The following SMC3 variants were observed in gnomAD, a reference collection of about 807,000 sequenced individuals.
SMC3 encodes the protein structural maintenance of chromosomes protein 3.
Under a neutral mutation model 171.8 loss-of-function variants are expected in SMC3, and 20 were observed. The observed-to-expected ratio is 0.12, with a 90% confidence interval of 0.08 to 0.17. The LOEUF (loss-of-function observed/expected upper bound fraction) is 0.17, where lower values mean the gene tolerates loss of function less well. Among genes scored for constraint, SMC3 ranks in the 10% least tolerant of loss-of-function variants. The pLI is 1.00. For synonymous variants in SMC3, 464 were observed against 451.1 expected (o/e 1.03, Z -0.36); for missense variants, 543 against 1,420.4 (o/e 0.38, Z 9.93).
chr10:110,595,227 G>A (rs928144621), intron 18 of SMC3, among the ~76,000 whole-genome samples: 2 of 151,744 alleles, frequency 1.3e-5, no homozygotes, highest in Admixed American at 6.6e-5. Context: ...TGATCTGCCT[G>A]CCTCAACCTC....
intron 2 of SMC3, among the ~76,000 whole-genome samples, chr10:110,569,294 G>A (rs1434985180): frequency 2.0e-5 from 3 of 152,108 alleles, no homozygotes; most frequent in East Asian, 3.8e-4. Flanking sequence ...TTCTGTTCTT[G>A]TTATATATCC....
At chr10:110,587,801 T>C (rs1861146434) in intron 13 of SMC3, among the ~76,000 whole-genome samples, 1 of 152,212 alleles carries the variant, frequency 6.6e-6, no homozygotes, top group African/African-American at 2.4e-5. Flanking sequence ...AAACTGACTC[T>C]TCAAGGTTTA....
chr10:110,604,348 G>C lies in SMC3; in HGVS notation c.*46G>C. 7.5e-7 allele frequency: 1 copy of C among 1,326,914 alleles called. No homozygotes were observed. The highest frequency in any genetic ancestry group is 1.1e-6 in the Non-Finnish European group (1 of 920,602). 82.2% of individuals were successfully genotyped at this position (1,326,914 alleles called of 1,614,324 possible). A position where few individuals can be genotyped will look rare whatever the true frequency, so the allele number is the denominator to read the frequency against. ...GTTTGGGAGATGTATATAGTAATAT[G>C]ATTCTCATACCCAGGAACTGTAAAT... On this transcript the variant is annotated 3_prime_UTR_variant, in exon 29 of 29. Coordinates refer to ENST00000361804, the MANE Select transcript of SMC3 (RefSeq NM_005445.4).
At chr10:110,584,821 T>TGCC (rs1380706181) in intron 13 of SMC3, among the ~76,000 whole-genome samples, 1 of 152,120 alleles carries the variant, frequency 6.6e-6, no homozygotes, top group Non-Finnish European at 1.5e-5. Context: ...GACGAGGTCT[T>TGCC]GCCATGTAGC....
At chr10:110,569,606 C>T (rs1249834758) in intron 2 of SMC3, among the ~76,000 whole-genome samples, 3 of 151,982 alleles carry the variant, frequency 2.0e-5, no homozygotes, top group African/African-American at 2.4e-5. Flanking sequence ...ATGTTGTGCA[C>T]ATGTATCCTA....
chr10:110,585,372 C>T (rs1861095639), intron 13 of SMC3, among the ~76,000 whole-genome samples: 1 of 150,940 alleles, frequency 6.6e-6, no homozygotes, highest in African/African-American at 2.4e-5. Flanking sequence ...TCACTGCAAC[C>T]TCCACCTCCT....
At chr10:110,577,589 T>C (rs554699066) in intron 5 of SMC3, 97 bp downstream of exon 5, 32 of 871,698 alleles carry the variant, frequency 3.7e-5, no homozygotes, top group Middle Eastern at 3.3e-4. Flanking sequence ...TAATTTGTTA[T>C]AATTACAGTT....
At chr10:110,579,363 A>G (rs1860998570) in intron 7 of SMC3, among the ~76,000 whole-genome samples, 1 of 152,188 alleles carries the variant, frequency 6.6e-6, no homozygotes, top group Non-Finnish European at 1.5e-5. Context: ...TACTGGAAGA[A>G]CACGTTTTTT....
At chr10:110,584,064 TTCTTTTTGTA>T in intron 12 of SMC3, 102 bp downstream of exon 12, 1 of 1,533,522 alleles carries the variant, frequency 6.5e-7, no homozygotes, top group Non-Finnish European at 9.0e-7. Flanking sequence ...TTACACTTAA[TTCTTTTTGTA>T]TCTTTTTGAA....
At position 110,584,407 on chromosome 10, in the gene SMC3, C is replaced by A; in HGVS notation, c.1305+11C>A. 6.4e-7 allele frequency: 1 copy of A among 1,567,952 alleles called. No homozygotes were observed. Among genetic ancestry groups the A allele is most frequent in the Non-Finnish European group, 8.8e-7 (1 of 1,140,476 alleles). ...CTGGAGCAGTATAATGTAAGAACTTCTATAGCTGCTTTGTAAAAATCTTTC... is the reference window on the plus strand; with the variant it reads ...CTGGAGCAGTATAATGTAAGAACTTATATAGCTGCTTTGTAAAAATCTTTC... On this transcript the variant is annotated intron_variant, in intron 13 of 28. Coordinates refer to ENST00000361804, the MANE Select transcript of SMC3 (RefSeq NM_005445.4).
chr10:110,569,091 TAAG>T (rs1391085634), intron 2 of SMC3, 78 bp downstream of exon 2: 18 of 916,164 alleles, frequency 2.0e-5, no homozygotes, highest in African/African-American at 1.6e-4. Flanking sequence ...TATATTGGCT[TAAG>T]GAGACAGGAA....
intron 20 of SMC3, among the ~76,000 whole-genome samples, chr10:110,598,926 C>T (rs1342890253): frequency 2.0e-5 from 3 of 151,742 alleles, no homozygotes; most frequent in Non-Finnish European, 4.4e-5. Context: ...CCGTTTTGTC[C>T]AGATTGTATT....
chr10:110,602,389 A>C (rs1047669461), intron 25 of SMC3, 85 bp from the exon 26 acceptor site: 8 of 1,174,164 alleles, frequency 6.8e-6, no homozygotes, highest in Non-Finnish European at 9.9e-6. Context: ...AGATTAAAAA[A>C]TAATTGGTTG....
rs1395433925 is a variant in SMC3, at chr10:110,578,715, A to G, written c.429+9A>G. The G allele has an allele frequency of 1.1e-5, 18 of 1,575,938 alleles. No individual in the cohort carries two copies. Among genetic ancestry groups the G allele is most frequent in the East Asian group, 4.5e-5 (2 of 44,586 alleles). On this transcript the variant is annotated intron_variant, in intron 7 of 28. Transcript: ENST00000361804. ...TTGTTAAACAAGGAAAGGTAAAACA[A>G]TTGTATGTCCTTTTTAAGTAGAATT... is the stretch of plus-strand genomic sequence containing the variant.
chr10:110,600,420 A>G lies in SMC3; in HGVS notation c.2428-19A>G. On this transcript the variant is annotated intron_variant, in intron 21 of 28. Coordinates refer to ENST00000361804, the MANE Select transcript of SMC3 (RefSeq NM_005445.4). The stretch of plus-strand genomic sequence containing the variant: ...GTGAAATGTACATGCTTATATAGAC[A>G]ACTTTTTCTTAATTCTAGGAAAACA... The G allele has an allele frequency of 8.0e-7, 1 of 1,252,206 alleles. No individual in the cohort carries two copies. The highest frequency in any genetic ancestry group is 1.2e-6 in the Non-Finnish European group (1 of 849,732). The allele number at this position is 1,252,206 out of a possible 1,614,324, so 77.6% of individuals were successfully genotyped here. A position where few individuals can be genotyped will look rare whatever the true frequency, so the allele number is the denominator to read the frequency against.
At chr10:110,583,634 G>T in intron 11 of SMC3, 86 bp downstream of exon 11, 1 of 1,452,222 alleles carries the variant, frequency 6.9e-7, no homozygotes, top group Non-Finnish European at 9.6e-7. Flanking sequence ...ACTGGTGTGT[G>T]TTGGAATTTT....
intron 3 of SMC3, among the ~76,000 whole-genome samples, chr10:110,574,959 A>AT (rs1488499217): frequency 6.6e-6 from 1 of 152,196 alleles, no homozygotes; most frequent in Non-Finnish European, 1.5e-5. Context: ...GTTAAAAAGG[A>AT]TTTTAACTCA....
At chr10:110,570,619 C>CTT (rs1860856883) in intron 2 of SMC3, among the ~76,000 whole-genome samples, 2 of 151,970 alleles carry the variant, frequency 1.3e-5, no homozygotes, top group Admixed American at 1.3e-4. Flanking sequence ...TAACTTGCAC[C>CTT]TTAAAATAAG....
chr10:110,590,000 G>C lies in SMC3; in HGVS notation c.1509+9G>C, dbSNP rs1031576366. 1 of 1,611,132 alleles carries C rather than the reference G, an allele frequency of 6.2e-7. No homozygotes were observed. Among genetic ancestry groups the C allele is most frequent in the East Asian group, 2.2e-5 (1 of 44,844 alleles). ...GAGCAGCAACAGGAAAGGTGGGCAG[G>C]TTCTTTTCATCACCTCTGTTTACAC... is the stretch of plus-strand genomic sequence containing the variant. On this transcript the variant is annotated intron_variant, in intron 15 of 28. Coordinates refer to ENST00000361804, the MANE Select transcript of SMC3 (RefSeq NM_005445.4).
Sources: allele counts gnomAD v4.1 joint callset (sites outside exome capture counted in the v4.1 genomes callset), GRCh38; gene constraint gnomAD v4.1.1; transcripts MANE v1.5; gene names NCBI Gene and HGNC (gene_info 2026-07-23, HGNC 2026-07-21).